KIAA1671: variants seen among roughly 807,000 people sequenced by gnomAD.
KIAA1671 encodes the protein KIAA1671, also known as uncharacterized protein KIAA1671.
A neutral mutation model predicts 131.2 loss-of-function variants in KIAA1671; 52 were observed. The ratio of observed to expected loss-of-function variants is 0.40; its 90% CI spans 0.32 to 0.50. The LOEUF is 0.50. KIAA1671 is among the 20% of genes least tolerant of loss of function. The pLI is 0.73. For synonymous variants in KIAA1671, 1,003 were observed against 961.6 expected, an observed-to-expected ratio of 1.04 and a Z score of -0.80; for missense variants, 2,360 against 2,364.2, an observed-to-expected ratio of 1.00 and a Z score of 0.04.
chr22:24,963,447 G>A (rs1206279018), intron 1 of KIAA1671, among the ~76,000 whole-genome samples: 1 of 151,750 alleles, frequency 6.6e-6, no homozygotes, highest in South Asian at 2.1e-4. Flanking sequence ...TGGGTGTCAC[G>A]GGTGGGTTTC....
Position 25,029,471 on chromosome 22 carries a change from C to T in KIAA1671, c.1472C>T (p.Ser491Leu), listed in dbSNP as rs905371396. 20 of 1,551,180 alleles carry T rather than the reference C, an allele frequency of 1.3e-5. No homozygotes were observed. Among genetic ancestry groups the T allele is most frequent in the Middle Eastern group, 1.7e-4 (1 of 6,014 alleles). The change falls in exon 3 of 13, where the codon TCA becomes TTA. Residue 491 changes from serine (S) to leucine (L), a missense_variant. By Grantham distance (145) the Ser-to-Leu change is moderately radical. Transcript: ENST00000358431. ...ATCAGAGGCTGGACTGCCGAGAGCT[C>T]AGAGGCTAAGCCCGAGGTCAGGAGG... is the stretch of plus-strand genomic sequence containing the variant. ...ERIRGWTAES[S>L]EAKPEVRRRT...
intron 6 of KIAA1671, among the ~76,000 whole-genome samples, chr22:25,106,820 C>T (rs542339127): frequency 4.6e-5 from 7 of 152,310 alleles, no homozygotes; most frequent in South Asian, 2.1e-4. Context: ...TTGCCTCTGG[C>T]GCCAGCATGG....
intron 6 of KIAA1671, among the ~76,000 whole-genome samples, chr22:25,156,240 T>C (rs113118300): frequency 3.3e-5 from 5 of 152,040 alleles, no homozygotes; most frequent in African/African-American, 1.2e-4. Context: ...TTAGCCAGGA[T>C]AGTCTTGATC....
At chr22:25,126,151 CT>C (rs1252045309) in intron 6 of KIAA1671, among the ~76,000 whole-genome samples, 1 of 152,174 alleles carries the variant, frequency 6.6e-6, no homozygotes, top group Admixed American at 6.5e-5. Context: ...TCTTCACGGT[CT>C]ATTAATTCCC....
In KIAA1671 at chr22:25,054,258, A is replaced by C. The variant is rs1927718816; in HGVS notation, c.4530+4894A>C. 2 of 149,372 alleles carry C rather than the reference A, an allele frequency of 1.3e-5. 1 individual carries two copies. The highest frequency in any genetic ancestry group is 3.0e-5 in the Non-Finnish European group (2 of 67,208). The allele number at this position is 149,372 out of a possible 1,614,324, so 9.3% of individuals were successfully genotyped here. On this transcript the variant is annotated intron_variant, in intron 6 of 12. Transcript: ENST00000358431. ...AGAGTGAGACTCCATCTCAAAAAAAAAGAAGGTAGGTAAATAATTGCAGTG... is the reference window on the plus strand; with the variant it reads ...AGAGTGAGACTCCATCTCAAAAAAACAGAAGGTAGGTAAATAATTGCAGTG...
At chr22:25,127,845 G>A (rs931375350) in intron 6 of KIAA1671, among the ~76,000 whole-genome samples, 3 of 152,220 alleles carry the variant, frequency 2.0e-5, no homozygotes, top group Non-Finnish European at 2.9e-5. Context: ...GCGGAGCCCC[G>A]TGGATTTTCA....
intron 1 of KIAA1671, among the ~76,000 whole-genome samples, chr22:25,000,092 C>G (rs1309538712): frequency 2.0e-5 from 3 of 150,848 alleles, no homozygotes; most frequent in African/African-American, 7.3e-5. Flanking sequence ...ACCGTGTTAG[C>G]CAGGATGATG....
rs956697461 is a variant in KIAA1671 at position 25,029,204 on chromosome 22, C to T, written c.1205C>T (p.Ser402Phe). The change falls in exon 3 of 13, where the codon TCC becomes TTC. Residue 402 changes from serine to phenylalanine, a missense_variant. Physicochemically the swap from Ser to Phe is radical, Grantham distance 155 (BLOSUM62 -2). Transcript: ENST00000358431. ...LDPEPEKAAESPSPRLGRGLE... is the reference protein window; with the variant it reads ...LDPEPEKAAEFPSPRLGRGLE... The stretch of plus-strand genomic sequence containing the variant: ...CCAGAGCCAGAGAAGGCTGCTGAGT[C>T]CCCCTCACCCAGGCTGGGAAGGGGC... 116 of 1,457,526 alleles carry T rather than the reference C, an allele frequency of 8.0e-5. No homozygotes were observed. The African/African-American group carries it at 1.5e-3, about 19-fold the overall frequency. 90.3% of individuals were successfully genotyped at this position (1,457,526 alleles called of 1,614,324 possible).
chr22:25,020,197 G>C (rs1925586841), intron 1 of KIAA1671, among the ~76,000 whole-genome samples: 4 of 152,074 alleles, frequency 2.6e-5, no homozygotes. Flanking sequence ...ACTTGAACTG[G>C]CTGTTTCTGG....
chr22:24,979,611 AG>A (rs1452928426), intron 1 of KIAA1671, among the ~76,000 whole-genome samples: 2 of 147,970 alleles, frequency 1.4e-5, no homozygotes, highest in Non-Finnish European at 3.0e-5. Flanking sequence ...GGCCTCCCAA[AG>A]TGCTGGGATT....
At chr22:25,105,188 A>G (rs1930933889) in intron 6 of KIAA1671, among the ~76,000 whole-genome samples, 1 of 151,912 alleles carries the variant, frequency 6.6e-6, no homozygotes, top group Non-Finnish European at 1.5e-5. Context: ...CTCCCAGCTA[A>G]TTTTTACATT....
intron 6 of KIAA1671, among the ~76,000 whole-genome samples, chr22:25,116,151 T>C (rs1931646686): frequency 1.3e-5 from 2 of 152,228 alleles, no homozygotes; most frequent in South Asian, 4.2e-4. Context: ...CGATCATAGC[T>C]CACCACAGCC....
chr22:25,046,814 T>C (rs924645036), intron 5 of KIAA1671, among the ~76,000 whole-genome samples: 1 of 152,178 alleles, frequency 6.6e-6, no homozygotes, highest in African/African-American at 2.4e-5. Flanking sequence ...AAGATATCAA[T>C]GACTGGGCCT....
At position 25,039,327 on chromosome 22, in the gene KIAA1671, T is replaced by C; in HGVS notation, c.2197T>C (p.Tyr733His). The stretch of plus-strand genomic sequence containing the variant: ...CACATCGCAGAGAATTGAGCCCAGA[T>C]ATGACATTGTGCATGCAGTGGGAGA... The part of the protein sequence containing the change: ...PPTSQRIEPR[Y>H]DIVHAVGERV... The change falls in exon 5 of 13, where the codon TAT (tyrosine) becomes CAT (histidine). Residue 733 changes from tyrosine to histidine, a missense_variant. Tyr to His is a moderately conservative substitution (Grantham distance 83, BLOSUM62 2). Around this residue, in one of 3 missense-constraint regions of KIAA1671, gnomAD observed 1,185 missense variants for 1,126.2 expected, o/e 1.05. Transcript: ENST00000358431. 2 of 1,552,020 alleles carry C rather than the reference T, an allele frequency of 1.3e-6. No homozygotes were observed. The highest frequency in any genetic ancestry group is 1.7e-6 in the Non-Finnish European group (2 of 1,147,080).
chr22:24,958,980 C>CA (rs59084421), intron 1 of KIAA1671, among the ~76,000 whole-genome samples: 2,435 of 77,442 alleles, frequency 0.031, 75 homozygotes, highest in African/African-American at 0.082. Flanking sequence ...AACTTCGTAT[C>CA]AAAAAAAAAA....
intron 6 of KIAA1671, among the ~76,000 whole-genome samples, chr22:25,139,335 C>A (rs1018753764): frequency 3.3e-5 from 5 of 152,230 alleles, no homozygotes; most frequent in Non-Finnish European, 5.9e-5. Context: ...AGAAGCAGGC[C>A]TCCCTGGTTA....
intron 11 of KIAA1671, among the ~76,000 whole-genome samples, chr22:25,188,328 A>T (rs1022632344): frequency 7.0e-6 from 1 of 142,478 alleles, no homozygotes; most frequent in Non-Finnish European, 1.6e-5. Flanking sequence ...AGTTTAAACA[A>T]ATCTCACCTC....
intron 1 of KIAA1671, among the ~76,000 whole-genome samples, chr22:24,967,616 C>T (rs1486491043): frequency 6.6e-6 from 1 of 152,216 alleles, no homozygotes; most frequent in Non-Finnish European, 1.5e-5. Flanking sequence ...AGGCAGAGAG[C>T]AGCAGGCCTA....
intron 1 of KIAA1671, among the ~76,000 whole-genome samples, chr22:24,981,837 G>A (rs1569197805): frequency 6.6e-6 from 1 of 152,220 alleles, no homozygotes; most frequent in African/African-American, 2.4e-5. Context: ...AGCCTGGGAG[G>A]TTGAAGCTGC....
Sources: allele counts gnomAD v4.1 joint callset (sites outside exome capture counted in the v4.1 genomes callset), GRCh38; gene constraint gnomAD v4.1.1; regional missense constraint gnomAD v4.1.1; transcripts MANE v1.5; gene names NCBI Gene and HGNC (gene_info 2026-07-23, HGNC 2026-07-21).